Variants in SSBP2 observed in about 807,000 individuals in gnomAD.
The protein encoded by SSBP2 is single-stranded DNA-binding protein 2.
Under a neutral mutation model 61.8 loss-of-function variants are expected in SSBP2, and 17 were observed. The observed-to-expected ratio is 0.28, with a 90% CI of 0.19 to 0.41. SSBP2 has a LOEUF of 0.41. Ranked by LOEUF, SSBP2 falls within the 10% of genes least tolerant of loss-of-function variation. SSBP2 has a pLI of 1.00. For synonymous variants in SSBP2, 139 were observed against 141.3 expected (o/e 0.98, Z 0.12); for missense variants, 310 against 458.7 (o/e 0.68, Z 2.96).
chr5:81,550,685 A>G (rs1327442825), intron 4 of SSBP2, among the ~76,000 whole-genome samples: 1 of 152,226 alleles, frequency 6.6e-6, no homozygotes, highest in Non-Finnish European at 1.5e-5. Flanking sequence ...TTAACCATGT[A>G]GATATAATTT....
At chr5:81,585,472 T>C (rs1774988320) in intron 4 of SSBP2, among the ~76,000 whole-genome samples, 1 of 152,042 alleles carries the variant, frequency 6.6e-6, no homozygotes, top group Non-Finnish European at 1.5e-5. Flanking sequence ...TAAGGAAGCA[T>C]GTTATAAAAT....
At chr5:81,454,795 G>A (rs1323994363) in intron 10 of SSBP2, among the ~76,000 whole-genome samples, 3 of 152,110 alleles carry the variant, frequency 2.0e-5, no homozygotes, top group Admixed American at 1.3e-4. Context: ...TCTGAGGTAA[G>A]AAGGAAGAAA....
chr5:81,498,509 A>G (rs1202129578), intron 5 of SSBP2, among the ~76,000 whole-genome samples: 4 of 152,104 alleles, frequency 2.6e-5, no homozygotes, highest in Admixed American at 6.5e-5. Flanking sequence ...ATTTTATAAA[A>G]TGATAAAAAT....
intron 1 of SSBP2, among the ~76,000 whole-genome samples, chr5:81,681,900 T>G (rs770753583): frequency 6.6e-6 from 1 of 152,144 alleles, no homozygotes; most frequent in Admixed American, 6.5e-5. Flanking sequence ...ACAGATCCCA[T>G]GGATATTAAA....
rs927440964 is a variant in SSBP2 at position 81,440,403 on chromosome 5, T to C, written c.928+155A>G. On this transcript the variant is annotated intron_variant, in intron 14 of 16. Transcript: ENST00000320672. Reference sequence around the variant, plus strand: ...TCAAGTGATCTACAGTTATAACCAATAAAATGTCAATTAAACTATCTGTAT... The same window carrying C: ...TCAAGTGATCTACAGTTATAACCAACAAAATGTCAATTAAACTATCTGTAT... 14 of 581,648 alleles carry C rather than the reference T, an allele frequency of 2.4e-5. No individual in the cohort carries two copies. The Middle Eastern group carries it at 2.5e-3, about 102-fold the overall frequency. The allele number at this position is 581,648 out of a possible 1,614,324, so 36.0% of individuals were successfully genotyped here.
chr5:81,599,104 G>A (rs1006658917), intron 4 of SSBP2, among the ~76,000 whole-genome samples: 1 of 152,126 alleles, frequency 6.6e-6, no homozygotes, highest in African/African-American at 2.4e-5. Flanking sequence ...ATTGGCATTT[G>A]GGGATGTATA....
chr5:81,702,428 A>G (rs1754058260), intron 1 of SSBP2, among the ~76,000 whole-genome samples: 1 of 152,202 alleles, frequency 6.6e-6, no homozygotes, highest in Admixed American at 6.5e-5. Flanking sequence ...GACAAAAGCT[A>G]TAGATAGAAT....
chr5:81,731,594 A>G (rs545431571), intron 1 of SSBP2, among the ~76,000 whole-genome samples: 2 of 152,258 alleles, frequency 1.3e-5, no homozygotes, highest in Admixed American at 6.5e-5. Context: ...AATAAAGTTC[A>G]ATTAATAGGA....
chr5:81,497,240 G>T (rs1767358023), intron 5 of SSBP2, among the ~76,000 whole-genome samples: 1 of 152,174 alleles, frequency 6.6e-6, no homozygotes, highest in Non-Finnish European at 1.5e-5. Flanking sequence ...GTAGAGAATG[G>T]TGGTAAATGG....
rs1282789472 is a variant in SSBP2 at position 81,618,376 on chromosome 5, A to C, written c.198-2819T>G. Among the ~76,000 whole-genome samples, 44 of 95,994 alleles carry C rather than the reference A, an allele frequency of 4.6e-4. 6 individuals carry two copies. The highest frequency in any genetic ancestry group is 8.7e-4 in the Non-Finnish European group (39 of 44,700). The allele number at this position is 95,994 out of a possible 152,430, so 63.0% of individuals were successfully genotyped here. A position where few individuals can be genotyped will look rare whatever the true frequency, so the allele number is the denominator to read the frequency against. On this transcript the variant is annotated intron_variant, in intron 3 of 16. Coordinates refer to ENST00000320672, the MANE Select transcript of SSBP2 (RefSeq NM_012446.5). Reference sequence around the variant, plus strand: ...AAAGAAGGCCATTACATAATGGTAAAGGGATCAATTCAACAAGAGGAGCTA... The same window carrying C: ...AAAGAAGGCCATTACATAATGGTAACGGGATCAATTCAACAAGAGGAGCTA...
At chr5:81,721,998 C>CA (rs77125433) in intron 1 of SSBP2, among the ~76,000 whole-genome samples, 6,827 of 151,164 alleles carry the variant, frequency 0.045, 198 homozygotes, top group East Asian at 0.12. Context: ...ACAGAAAAAA[C>CA]AAAAAAAAAT....
intron 2 of SSBP2, among the ~76,000 whole-genome samples, chr5:81,643,014 A>C (rs1434605885): frequency 1.3e-5 from 2 of 152,122 alleles, no homozygotes; most frequent in African/African-American, 4.8e-5. Flanking sequence ...TCTATACTCC[A>C]TTCTATACTT....
At chr5:81,613,788 A>C (rs1745695655) in intron 4 of SSBP2, among the ~76,000 whole-genome samples, 1 of 152,086 alleles carries the variant, frequency 6.6e-6, no homozygotes, top group African/African-American at 2.4e-5. Context: ...GGGGTACCCC[A>C]CTCTATCCAA....
At chr5:81,742,193 A>T (rs1477604518) in intron 1 of SSBP2, among the ~76,000 whole-genome samples, 1 of 152,216 alleles carries the variant, frequency 6.6e-6, no homozygotes, top group Non-Finnish European at 1.5e-5. Context: ...GTACAATTTC[A>T]TTTATATTAA....
At chr5:81,615,213 AC>A (rs1381862313) in intron 4 of SSBP2, 2 of 275,294 alleles carry the variant, frequency 7.3e-6, no homozygotes, top group African/African-American at 2.2e-5. Context: ...CTGAAATTTC[AC>A]AAATCAGACA....
At chr5:81,750,073 C>T (rs1757624799) in intron 1 of SSBP2, among the ~76,000 whole-genome samples, 1 of 151,536 alleles carries the variant, frequency 6.6e-6, no homozygotes, top group African/African-American at 2.4e-5. Flanking sequence ...GGCTGCCAGC[C>T]TCACAAAAAG....
chr5:81,717,673 C>G (rs1387927850), intron 1 of SSBP2, among the ~76,000 whole-genome samples: 2 of 152,154 alleles, frequency 1.3e-5, no homozygotes, highest in Non-Finnish European at 2.9e-5. Flanking sequence ...ATTTAACTTA[C>G]TGTACATTTG....
intron 1 of SSBP2, among the ~76,000 whole-genome samples, chr5:81,725,006 G>A (rs1755779837): frequency 6.6e-6 from 1 of 152,140 alleles, no homozygotes; most frequent in Non-Finnish European, 1.5e-5. Flanking sequence ...TTAAGTGCTA[G>A]GGATACAGGT....
At chr5:81,654,982 T>C (rs1397139311) in intron 1 of SSBP2, among the ~76,000 whole-genome samples, 1 of 151,322 alleles carries the variant, frequency 6.6e-6, no homozygotes, top group East Asian at 1.9e-4. Flanking sequence ...AATATATATA[T>C]ATACTTATAT....
Sources: gnomAD v4.1 joint callset for allele counts (sites outside exome capture counted in the v4.1 genomes callset) on GRCh38, gnomAD v4.1.1 for gene constraint, MANE v1.5 for transcripts, NCBI Gene and HGNC (gene_info 2026-07-23, HGNC 2026-07-21) for gene names.